The following STK32B variants were observed in gnomAD, a reference collection of about 807,000 sequenced individuals.
The protein encoded by STK32B is serine/threonine-protein kinase 32B.
In STK32B, 43 loss-of-function variants were observed where a neutral mutation model predicts 52.6. The ratio of observed to expected loss-of-function variants is 0.82; its 90% CI spans 0.64 to 1.05. STK32B has a LOEUF of 1.05. Ranked by LOEUF, STK32B falls within the 50% of genes least tolerant of loss-of-function variation. STK32B has a pLI of 0.00. For missense variants in STK32B, 621 were observed against 534.6 expected (o/e 1.16, Z -1.59); for synonymous variants, 238 against 204.3 (o/e 1.17, Z -1.41).
intron 3 of STK32B, among the ~76,000 whole-genome samples, chr4:5,187,043 T>C (rs1209369637): frequency 6.6e-6 from 1 of 152,188 alleles, no homozygotes; most frequent in East Asian, 1.9e-4. Context: ...AAAACAGGAA[T>C]TGGGGAAAAC....
intron 6 of STK32B, among the ~76,000 whole-genome samples, chr4:5,440,641 G>A (rs558374572): frequency 1.3e-5 from 2 of 152,316 alleles, no homozygotes; most frequent in African/African-American, 4.8e-5. Flanking sequence ...CCAACACTAT[G>A]TTGAATAAGA....
At chr4:5,237,256 A>C (rs1296628572) in intron 3 of STK32B, among the ~76,000 whole-genome samples, 3 of 152,202 alleles carry the variant, frequency 2.0e-5, no homozygotes, top group Admixed American at 2.0e-4. Context: ...TGGCCAGCTC[A>C]GCTCACGCCA....
At chr4:5,297,427 T>G (rs1057119680) in intron 3 of STK32B, among the ~76,000 whole-genome samples, 2 of 152,062 alleles carry the variant, frequency 1.3e-5, no homozygotes, top group Non-Finnish European at 2.9e-5. Context: ...TCTGTTGTAG[T>G]TTTGGTCTTT....
At position 5,248,215 on chromosome 4, in the gene STK32B, T is replaced by C. The variant is rs182646005; in HGVS notation, c.260+79765T>C. On this transcript the variant is annotated intron_variant, in intron 3 of 11. Coordinates refer to ENST00000282908, the MANE Select transcript of STK32B (RefSeq NM_018401.3). ...CTGCTCAGTATAACACAGTTGTGAG[T>C]GGAGGAGCTGGAACTCAGAGGCCTC... Among the ~76,000 whole-genome samples, 13 of 152,294 alleles carry C rather than the reference T, an allele frequency of 8.5e-5. No homozygotes were observed. The East Asian group carries it at 2.5e-3, about 29-fold the overall frequency.
chr4:5,184,411 T>C (rs1224801670), intron 3 of STK32B, among the ~76,000 whole-genome samples: 1 of 152,096 alleles, frequency 6.6e-6, no homozygotes, highest in African/African-American at 2.4e-5. Context: ...CCCAAAACAA[T>C]TGTAGTAGTA....
intron 3 of STK32B, among the ~76,000 whole-genome samples, chr4:5,221,824 C>T (rs1723554664): frequency 7.4e-6 from 1 of 135,504 alleles, no homozygotes; most frequent in South Asian, 2.3e-4. Flanking sequence ...CCACTGCATT[C>T]CAGCCTGGAG....
At chr4:5,334,584 G>T (rs1311822841) in intron 4 of STK32B, among the ~76,000 whole-genome samples, 1 of 152,110 alleles carries the variant, frequency 6.6e-6, no homozygotes, top group East Asian at 1.9e-4. Context: ...TCCAGTTTTT[G>T]TCCATTCAGT....
chr4:5,223,630 G>A (rs1723676520), intron 3 of STK32B, among the ~76,000 whole-genome samples: 1 of 151,850 alleles, frequency 6.6e-6, no homozygotes, highest in African/African-American at 2.4e-5. Context: ...TGGTTAACAT[G>A]GTGAAACCCT....
Position 5,398,115 on chromosome 4 carries a change from T to C in STK32B, c.435-92T>C, listed in dbSNP as rs1006928202. ...GTCAGGGAGAGGTGAGCAGCCTGGG[T>C]GTTCCAGCATTTGTCCTGATGTGGT... is the stretch of plus-strand genomic sequence containing the variant. On this transcript the variant is annotated intron_variant, in intron 4 of 11. Coordinates refer to ENST00000282908, the MANE Select transcript of STK32B (RefSeq NM_018401.3). This position sits in a 1 kb window ranked among gnomAD's most constrained non-coding sequence, Gnocchi z 4.9. 1.4e-6 allele frequency: 2 copies of C among 1,432,788 alleles called. No homozygotes were observed. The highest frequency in any genetic ancestry group is 2.8e-5 in the African/African-American group (2 of 70,936). 88.8% of individuals were successfully genotyped at this position (1,432,788 alleles called of 1,614,324 possible).
At chr4:5,265,446 GC>G (rs1205958158) in intron 3 of STK32B, among the ~76,000 whole-genome samples, 2 of 152,184 alleles carry the variant, frequency 1.3e-5, no homozygotes, top group Admixed American at 1.3e-4. Flanking sequence ...ACGCCCCGAA[GC>G]TTTGCCTGAC....
chr4:5,419,005 C>T (rs970662647), intron 6 of STK32B, among the ~76,000 whole-genome samples: 4 of 152,068 alleles, frequency 2.6e-5, no homozygotes, highest in South Asian at 2.1e-4. Flanking sequence ...TTTTGGGGAT[C>T]GGCTATAACT....
intron 1 of STK32B, chr4:5,127,057 T>C (rs1393083097): frequency 2.0e-6 from 1 of 496,418 alleles, no homozygotes; most frequent in African/African-American, 1.9e-5. Context: ...AAAGGTGCCA[T>C]GGACATTGGT....
intron 6 of STK32B, among the ~76,000 whole-genome samples, chr4:5,445,220 A>G (rs1715277757): frequency 2.6e-5 from 4 of 152,190 alleles, no homozygotes; most frequent in African/African-American, 7.2e-5. Flanking sequence ...GGGGGCAGCT[A>G]GAATGTGGCT....
At chr4:5,353,789 G>A (rs1734000377) in intron 4 of STK32B, among the ~76,000 whole-genome samples, 1 of 152,152 alleles carries the variant, frequency 6.6e-6, no homozygotes, top group African/African-American at 2.4e-5. Flanking sequence ...TACACTGTTG[G>A]TGGGAATGTA....
chr4:5,159,637 A>G (rs1718222818), intron 2 of STK32B, among the ~76,000 whole-genome samples: 1 of 98,072 alleles, frequency 1.0e-5, no homozygotes, highest in Non-Finnish European at 1.9e-5. Flanking sequence ...ATGAATATAT[A>G]TATGAATGTA....
intron 4 of STK32B, among the ~76,000 whole-genome samples, chr4:5,381,539 A>G (rs190383287): frequency 3.3e-5 from 5 of 152,240 alleles, no homozygotes; most frequent in African/African-American, 1.2e-4. Flanking sequence ...TCAGTGTGGC[A>G]TGGAAAATGT....
At chr4:5,202,628 A>G (rs1472065110) in intron 3 of STK32B, among the ~76,000 whole-genome samples, 1 of 152,222 alleles carries the variant, frequency 6.6e-6, no homozygotes, top group African/African-American at 2.4e-5. Context: ...AGGCATTTCC[A>G]TACATCCTCT....
At chr4:5,374,707 A>G (rs1331322251) in intron 4 of STK32B, among the ~76,000 whole-genome samples, 1 of 148,710 alleles carries the variant, frequency 6.7e-6, no homozygotes, top group African/African-American at 2.5e-5. Flanking sequence ...CAGCTTAATC[A>G]TCTCCTAAAG....
chr4:5,372,557 C>G (rs1319481699), intron 4 of STK32B, among the ~76,000 whole-genome samples: 1 of 152,144 alleles, frequency 6.6e-6, no homozygotes. Context: ...TCATCATACA[C>G]TAGACCAAAA....
Sources: gnomAD v4.1 joint callset for allele counts (sites outside exome capture counted in the v4.1 genomes callset) on GRCh38, gnomAD v4.1.1 for gene constraint, Gnocchi (gnomAD v3.1) non-coding constraint, MANE v1.5 for transcripts, NCBI Gene and HGNC (gene_info 2026-07-23, HGNC 2026-07-21) for gene names.